KIAA1217: variants seen among roughly 807,000 people sequenced by gnomAD.
The protein encoded by KIAA1217 is sickle tail protein homolog.
In KIAA1217, 88 loss-of-function variants were observed where a neutral mutation model predicts 163.9. That is an observed-to-expected ratio of 0.54 (90% CI 0.45 to 0.64). KIAA1217 has a LOEUF of 0.64. Among genes scored for constraint, KIAA1217 ranks in the 30% least tolerant of loss-of-function variants. KIAA1217 has a pLI of 0.00. For missense variants in KIAA1217, 2,372 were observed against 2,475.0 expected (o/e 0.96, Z 0.88); for synonymous variants, 903 against 923.1 (o/e 0.98, Z 0.39).
chr10:23,912,409 C>A (rs773303856), intron 1 of KIAA1217, among the ~76,000 whole-genome samples: 12 of 149,284 alleles, frequency 8.0e-5, no homozygotes, highest in Non-Finnish European at 1.8e-4. Flanking sequence ...AGTGGTAAGT[C>A]TGGGCTTTTG....
intron 1 of KIAA1217, among the ~76,000 whole-genome samples, chr10:23,957,831 A>C (rs542013524): frequency 6.6e-6 from 1 of 152,284 alleles, no homozygotes; most frequent in South Asian, 2.1e-4. Context: ...TTTCTCTATC[A>C]TCATGGTTTA....
chr10:24,099,282 C>T (rs1392139665), intron 2 of KIAA1217, among the ~76,000 whole-genome samples: 2 of 150,552 alleles, frequency 1.3e-5, no homozygotes, highest in Non-Finnish European at 3.0e-5. Context: ...TTTGCTGCAC[C>T]CATTAACTCG....
intron 1 of KIAA1217, among the ~76,000 whole-genome samples, chr10:23,810,389 A>C (rs974457540): frequency 2.1e-5 from 3 of 145,398 alleles, no homozygotes; most frequent in African/African-American, 7.5e-5. Flanking sequence ...CATATACTAT[A>C]TATATATACT....
At chr10:24,266,233 C>G (rs1179417086) in intron 2 of KIAA1217, among the ~76,000 whole-genome samples, 1 of 152,032 alleles carries the variant, frequency 6.6e-6, no homozygotes, top group African/African-American at 2.4e-5. Flanking sequence ...CATGCACTAC[C>G]ACACCTGGCT....
intron 3 of KIAA1217, among the ~76,000 whole-genome samples, chr10:24,402,249 G>A (rs2056609568): frequency 6.6e-6 from 1 of 152,164 alleles, no homozygotes; most frequent in South Asian, 2.1e-4. Context: ...ACTCACGCCT[G>A]TAATCCCAGC....
At chr10:23,734,229 G>C (rs922539742) in intron 1 of KIAA1217, among the ~76,000 whole-genome samples, 2 of 151,384 alleles carry the variant, frequency 1.3e-5, no homozygotes, top group Non-Finnish European at 2.9e-5. Flanking sequence ...TCCCTTCATT[G>C]GAAAGCACTA....
intron 5 of KIAA1217, chr10:24,449,808 T>C (rs1334057796): frequency 1.1e-6 from 1 of 915,966 alleles, no homozygotes; most frequent in African/African-American, 1.8e-5. Context: ...TTTAGAATCT[T>C]TTTTCATGCT....
intron 2 of KIAA1217, among the ~76,000 whole-genome samples, chr10:24,029,516 G>T (rs1365869103): frequency 6.6e-6 from 1 of 152,128 alleles, no homozygotes; most frequent in African/African-American, 2.4e-5. Flanking sequence ...GAACATTCTA[G>T]TTCAGGACCC....
chr10:23,951,061 A>G (rs887283835), intron 1 of KIAA1217, among the ~76,000 whole-genome samples: 2 of 152,152 alleles, frequency 1.3e-5, no homozygotes, highest in African/African-American at 4.8e-5. Context: ...TGAACAAACA[A>G]CAGGATATTA....
intron 2 of KIAA1217, among the ~76,000 whole-genome samples, chr10:24,196,966 C>T (rs2067019222): frequency 6.6e-6 from 1 of 152,208 alleles, no homozygotes; most frequent in Non-Finnish European, 1.5e-5. Flanking sequence ...GGAGTGCCTA[C>T]TATATGCCAG....
chr10:24,335,168 A>G (rs1306656954), intron 2 of KIAA1217, among the ~76,000 whole-genome samples: 1 of 152,186 alleles, frequency 6.6e-6, no homozygotes. Flanking sequence ...CACCTGTTAC[A>G]TGATTCCATG....
chr10:24,337,815 T>G (rs1261501816), intron 2 of KIAA1217, among the ~76,000 whole-genome samples: 1 of 151,940 alleles, frequency 6.6e-6, no homozygotes, highest in Admixed American at 6.6e-5. Flanking sequence ...GGCTAATTTT[T>G]TGTATTTTTA....
At chr10:23,846,209 G>C in intron 1 of KIAA1217, among the ~76,000 whole-genome samples, 1 of 152,164 alleles carries the variant, frequency 6.6e-6, no homozygotes, top group East Asian at 1.9e-4. Context: ...TGTCTTGGCT[G>C]TGTGGGCTCT....
At chr10:24,019,861 GAAA>G (rs1225079073) in intron 2 of KIAA1217, among the ~76,000 whole-genome samples, 3 of 151,894 alleles carry the variant, frequency 2.0e-5, no homozygotes, top group Non-Finnish European at 2.9e-5. Flanking sequence ...AAGAAAAAAA[GAAA>G]AAGTACAATA....
chr10:24,337,129 C>T (rs145380792), intron 2 of KIAA1217, among the ~76,000 whole-genome samples: 1 of 152,196 alleles, frequency 6.6e-6, no homozygotes, highest in South Asian at 2.1e-4. Flanking sequence ...AGGCAACTCA[C>T]ACTGTGAGAT....
intron 2 of KIAA1217, among the ~76,000 whole-genome samples, chr10:24,355,728 CTTTTTTTTTTTTTTTTTTTT>C (rs869211148): frequency 1.1e-3 from 37 of 32,214 alleles, no homozygotes; most frequent in South Asian, 3.7e-3. Context: ...AGTCCTCACT[CTTTTTTTTTTTTTTTTTTTT>C]TTTTTTTTTT....
At chr10:23,898,623 C>G (rs1841812792) in intron 1 of KIAA1217, among the ~76,000 whole-genome samples, 2 of 152,020 alleles carry the variant, frequency 1.3e-5, no homozygotes, top group African/African-American at 4.8e-5. Context: ...AATTTACCAT[C>G]TTGACCATTT....
At chr10:23,777,461 C>T (rs1835054051) in intron 1 of KIAA1217, among the ~76,000 whole-genome samples, 1 of 152,120 alleles carries the variant, frequency 6.6e-6, no homozygotes, top group Admixed American at 6.6e-5. Flanking sequence ...GGGGTCTTGC[C>T]TGGAACCCGT....
chr10:24,450,733 C>T (rs2061321841), intron 5 of KIAA1217, among the ~76,000 whole-genome samples: 2 of 152,098 alleles, frequency 1.3e-5, no homozygotes, highest in African/African-American at 2.4e-5. Flanking sequence ...TACTATTACA[C>T]CCATTTTAAG....
Sources: allele counts gnomAD v4.1 joint callset (sites outside exome capture counted in the v4.1 genomes callset), GRCh38; gene constraint gnomAD v4.1.1; transcripts MANE v1.5; gene names NCBI Gene and HGNC (gene_info 2026-07-23, HGNC 2026-07-21).